The following CFHR2 variants were observed in gnomAD, a reference collection of about 807,000 sequenced individuals.
CFHR2 encodes complement factor H related 2, also known as complement factor H-related protein 2.
CFHR2 carries 22 observed loss-of-function variants against 21.7 expected under a neutral mutation model. The ratio of observed to expected loss-of-function variants is 1.01; its 90% CI spans 0.72 to 1.45. CFHR2 has a LOEUF of 1.45. Ranked by LOEUF, CFHR2 falls within the 40% of genes most tolerant of loss-of-function variation. The pLI, the probability that CFHR2 is intolerant of heterozygous loss-of-function variation, is 0.00. For missense variants in CFHR2, 294 were observed against 293.3 expected (o/e 1.00, Z -0.02); for synonymous variants, 98 against 97.4 (o/e 1.01, Z -0.04).
chr1:196,947,546 A>C lies in CFHR2; in HGVS notation c.59-1909A>C, dbSNP rs147411039. 6.7e-3 allele frequency among the ~76,000 whole-genome samples: 1,018 copies of C among 152,338 alleles called. 12 individuals are homozygous for C. The highest frequency in any genetic ancestry group is 0.023 in the African/African-American group (959 of 41,586). On this transcript the variant is annotated intron_variant, in intron 1 of 4. Transcript: ENST00000367415. ...CTAATGTCAAATTTTAAACAGTTAG[A>C]TAATCAGTTTCACGTTTCACAAAGT... is the stretch of plus-strand genomic sequence containing the variant.
At chr1:196,948,490 G>C (rs1416867696) in intron 1 of CFHR2, among the ~76,000 whole-genome samples, 1 of 151,936 alleles carries the variant, frequency 6.6e-6, no homozygotes, top group East Asian at 1.9e-4. Context: ...TGGCCAGGCT[G>C]GTCTCAAACT....
chr1:196,948,506 C>A lies in CFHR2; in HGVS notation c.59-949C>A, dbSNP rs373875348. On this transcript the variant is annotated intron_variant, in intron 1 of 4. Coordinates refer to ENST00000367415, the MANE Select transcript of CFHR2 (RefSeq NM_005666.4). ...GGCCAGGCTGGTCTCAAACTCCTGA[C>A]CTCAAGTGATCCACCTACCTCAGCC... Among the ~76,000 whole-genome samples, 8 of 152,084 alleles carry A rather than the reference C, an allele frequency of 5.3e-5. No individual in the cohort carries two copies. The South Asian group carries it at 1.7e-3, about 32-fold the overall frequency.
Position 196,957,920 on chromosome 1 carries a change from C to A in CFHR2, c.460C>A (p.Pro154Thr). The change falls in exon 4 of 5, where the codon CCT (proline) becomes ACT (threonine). Residue 154 changes from proline (P) to threonine (T), a missense_variant. Physicochemically the swap from Pro to Thr is conservative, Grantham distance 38. Coordinates refer to ENST00000367415, the MANE Select transcript of CFHR2 (RefSeq NM_005666.4). ...TGCAGAAAAATGTGGGCCCCCTCCACCTATTGACAATGGAGACATTACTTC... is the reference window on the plus strand; with the variant it reads ...TGCAGAAAAATGTGGGCCCCCTCCAACTATTGACAATGGAGACATTACTTC... ...ISAEKCGPPP[P>T]IDNGDITSFL... 6.2e-7 allele frequency: 1 copy of A among 1,612,982 alleles called. No homozygotes were observed. Among genetic ancestry groups the A allele is most frequent in the South Asian group, 1.1e-5 (1 of 90,950 alleles).
At chr1:196,953,969 CAT>C (rs1302622123) in intron 3 of CFHR2, among the ~76,000 whole-genome samples, 1 of 152,070 alleles carries the variant, frequency 6.6e-6, no homozygotes, top group African/African-American at 2.4e-5. Flanking sequence ...AAAATAAACA[CAT>C]ATTCATATAC....
intron 1 of CFHR2, among the ~76,000 whole-genome samples, chr1:196,948,361 C>T (rs761641255): frequency 6.6e-6 from 1 of 152,002 alleles, no homozygotes; most frequent in Non-Finnish European, 1.5e-5. Context: ...CTGCAACATA[C>T]CCCTCCTGGG....
At chr1:196,958,210 T>TA in intron 4 of CFHR2, 137 bp downstream of exon 4, 1 of 716,400 alleles carries the variant, frequency 1.4e-6, no homozygotes, top group South Asian at 3.8e-5. Context: ...GTCTATATGA[T>TA]AGAATGTAAA....
At chr1:196,951,430 A>C (rs183784680) in intron 3 of CFHR2, among the ~76,000 whole-genome samples, 50 of 152,318 alleles carry the variant, frequency 3.3e-4, no homozygotes, top group Non-Finnish European at 3.7e-4. Flanking sequence ...ATTTAAATTC[A>C]TATGCTCTAT....
intron 3 of CFHR2, among the ~76,000 whole-genome samples, chr1:196,954,945 A>AT (rs1299817315): frequency 6.6e-6 from 1 of 152,244 alleles, no homozygotes; most frequent in Non-Finnish European, 1.5e-5. Context: ...GATCTCTGAC[A>AT]TGTCCTGGAG....
chr1:196,956,842 G>A (rs1480415963), intron 3 of CFHR2, among the ~76,000 whole-genome samples: 1 of 150,852 alleles, frequency 6.6e-6, no homozygotes. Flanking sequence ...TATTTTAGGT[G>A]TTATATTTTG....
chr1:196,944,925 G>C (rs1213761620), intron 1 of CFHR2, among the ~76,000 whole-genome samples: 1 of 149,182 alleles, frequency 6.7e-6, no homozygotes, highest in Non-Finnish European at 1.5e-5. Context: ...TTCCCAGGCT[G>C]GAGTGCAATG....
chr1:196,951,935 C>T (rs950270078), intron 3 of CFHR2, among the ~76,000 whole-genome samples: 7 of 151,972 alleles, frequency 4.6e-5, no homozygotes, highest in East Asian at 1.9e-4. Flanking sequence ...TTAGTCATCA[C>T]GGTCATGTGC....
intron 3 of CFHR2, among the ~76,000 whole-genome samples, chr1:196,954,923 G>A (rs1349172370): frequency 2.0e-5 from 3 of 152,216 alleles, no homozygotes; most frequent in Admixed American, 1.3e-4. Context: ...CTGTGATTGG[G>A]AAAGCCTCAA....
intron 3 of CFHR2, among the ~76,000 whole-genome samples, chr1:196,955,526 G>T (rs1652835895): frequency 6.6e-6 from 1 of 152,096 alleles, no homozygotes; most frequent in South Asian, 2.1e-4. Context: ...CTGCTATAAA[G>T]AACTTCTCCA....
intron 2 of CFHR2, 94 bp downstream of exon 2, chr1:196,949,743 C>T (rs1659656809): frequency 6.7e-7 from 1 of 1,502,572 alleles, no homozygotes; most frequent in Non-Finnish European, 9.2e-7. Flanking sequence ...ATCACAGGAG[C>T]AGTGACCAGA....
chr1:196,958,634 T>C (rs575565771), intron 4 of CFHR2, among the ~76,000 whole-genome samples: 11 of 152,210 alleles, frequency 7.2e-5, no homozygotes, highest in African/African-American at 2.4e-4. Context: ...TATCTTAATA[T>C]GACAATTGAT....
At chr1:196,957,151 C>T (rs1383554828) in intron 3 of CFHR2, among the ~76,000 whole-genome samples, 1 of 152,024 alleles carries the variant, frequency 6.6e-6, no homozygotes, top group African/African-American at 2.4e-5. Context: ...AAAGTAGGCT[C>T]TTCTGGGGAT....
intron 3 of CFHR2, among the ~76,000 whole-genome samples, chr1:196,951,862 T>G (rs1421645381): frequency 6.6e-6 from 1 of 152,190 alleles, no homozygotes; most frequent in Admixed American, 6.6e-5. Context: ...AGAAAAGGCC[T>G]GTCAGCAAAC....
At chr1:196,951,107 A>G (rs909729844) in intron 3 of CFHR2, 79 bp downstream of exon 3, 4 of 1,495,290 alleles carry the variant, frequency 2.7e-6, no homozygotes, top group Non-Finnish European at 3.6e-6. Flanking sequence ...CAGATTAAAT[A>G]TAGGTTAAAT....
Position 196,949,770 on chromosome 1 carries a change from G to C in CFHR2, c.253+121G>C, listed in dbSNP as rs145771562. 1,786 of 1,250,100 alleles carry C rather than the reference G, an allele frequency of 1.4e-3. 21 individuals are homozygous for C. In the African/African-American group the frequency reaches 0.024, roughly 17 times the overall value. The allele number at this position is 1,250,100 out of a possible 1,614,324, so 77.4% of individuals were successfully genotyped here. On this transcript the variant is annotated intron_variant, in intron 2 of 4. Transcript: ENST00000367415. ...GTGACCAGAGGAGCTGGAAAGATGG[G>C]AGATGTAGTCCTTCTATTTTGAGAT...
Sources: allele counts gnomAD v4.1 joint callset (sites outside exome capture counted in the v4.1 genomes callset), GRCh38; gene constraint gnomAD v4.1.1; transcripts MANE v1.5; gene names NCBI Gene and HGNC (gene_info 2026-07-23, HGNC 2026-07-21).